The following ZC3H12B variants were observed in gnomAD, a reference collection of about 807,000 sequenced individuals.
ZC3H12B encodes probable ribonuclease ZC3H12B.
A neutral mutation model predicts 43.9 loss-of-function variants in ZC3H12B; 7 were observed. The ratio of observed to expected loss-of-function variants is 0.16; its 90% CI spans 0.09 to 0.30. The LOEUF (loss-of-function observed/expected upper bound fraction) is 0.30. Among genes scored for constraint, ZC3H12B ranks in the 10% least tolerant of loss-of-function variants. The probability of loss-of-function intolerance (pLI) is 1.00; values close to 1 mark genes in which losing one functional copy is unlikely to be tolerated. For missense variants in ZC3H12B, 475 were observed against 670.2 expected (o/e 0.71, Z 3.22); for synonymous variants, 222 against 241.7 (o/e 0.92, Z 0.76).
At chrX:65,157,779 A>C in the ZC3H12B span, among the ~76,000 whole-genome samples, 1 of 104,563 alleles carries the variant, frequency 9.6e-6, no homozygotes, top group Non-Finnish European at 1.9e-5. Context: ...TTTTTATTTT[A>C]TTATTATTAT....
chrX:65,296,378 A>C, the ZC3H12B span, among the ~76,000 whole-genome samples: 7 of 110,961 alleles, frequency 6.3e-5, no homozygotes, highest in African/African-American at 2.3e-4. Flanking sequence ...GCGAGGGATA[A>C]AAGACTACAC....
At chrX:65,102,185 G>A in the ZC3H12B span, among the ~76,000 whole-genome samples, 7 of 111,356 alleles carry the variant, frequency 6.3e-5, no homozygotes, top group South Asian at 3.8e-4. Context: ...AATTCAACAC[G>A]CCTTCAAGCT....
the ZC3H12B span, among the ~76,000 whole-genome samples, chrX:65,298,654 G>A: frequency 2.7e-5 from 3 of 111,864 alleles, no homozygotes; most frequent in Admixed American, 9.5e-5. Context: ...GCACTCCTAT[G>A]CTCATTGTTC....
At chrX:65,311,592 C>T in the ZC3H12B span, among the ~76,000 whole-genome samples, 1 of 111,799 alleles carries the variant, frequency 8.9e-6, no homozygotes, top group Non-Finnish European at 1.9e-5. Flanking sequence ...GTGGTGATTC[C>T]TCAAGGATCT....
the ZC3H12B span, among the ~76,000 whole-genome samples, chrX:65,183,380 C>A: frequency 9.0e-6 from 1 of 110,784 alleles, no homozygotes; most frequent in Non-Finnish European, 1.9e-5. Flanking sequence ...CATATGGACA[C>A]AAAGAAGATA....
chrX:65,079,849 G>A, the ZC3H12B span, among the ~76,000 whole-genome samples: 1 of 110,701 alleles, frequency 9.0e-6, no homozygotes, highest in Non-Finnish European at 1.9e-5. Flanking sequence ...CACTACCCAG[G>A]AAAACATGAC....
the ZC3H12B span, among the ~76,000 whole-genome samples, chrX:65,049,637 T>C: frequency 9.0e-6 from 1 of 111,689 alleles, no homozygotes; most frequent in Non-Finnish European, 1.9e-5. Flanking sequence ...TTTCTCAATA[T>C]TGTTTTGGCT....
chrX:65,251,628 A>C, the ZC3H12B span, among the ~76,000 whole-genome samples: 2 of 111,223 alleles, frequency 1.8e-5, no homozygotes, highest in African/African-American at 3.3e-5. Context: ...GCAGTGGTTT[A>C]TAGTTCTCCT....
the ZC3H12B span, among the ~76,000 whole-genome samples, chrX:65,098,693 A>G: frequency 1.8e-5 from 2 of 110,645 alleles, no homozygotes; most frequent in African/African-American, 6.6e-5. Flanking sequence ...GGACTGTGCT[A>G]TCTGGCCCAG....
At chrX:65,200,989 G>C in the ZC3H12B span, among the ~76,000 whole-genome samples, 1 of 111,334 alleles carries the variant, frequency 9.0e-6, no homozygotes, top group Non-Finnish European at 1.9e-5. Flanking sequence ...AAGGATGTTG[G>C]ACTTAAGTTT....
the ZC3H12B span, among the ~76,000 whole-genome samples, chrX:65,137,972 G>T: frequency 8.9e-6 from 1 of 111,755 alleles, no homozygotes; most frequent in Non-Finnish European, 1.9e-5. Flanking sequence ...GGGATTGCAG[G>T]CGTGCACCAC....
chrX:65,212,849 G>C, the ZC3H12B span, among the ~76,000 whole-genome samples: 1 of 104,903 alleles, frequency 9.5e-6, no homozygotes, highest in African/African-American at 3.4e-5. Context: ...ATCTAGCACA[G>C]TGCCTGGAAT....
the ZC3H12B span, among the ~76,000 whole-genome samples, chrX:65,290,902 A>G: frequency 9.0e-6 from 1 of 111,051 alleles, no homozygotes; most frequent in East Asian, 2.8e-4. Context: ...AAAGGGTACA[A>G]ACATAAAGTA....
At chrX:65,395,926 G>A (rs2066690861) in intron 2 of ZC3H12B, among the ~76,000 whole-genome samples, 1 of 111,434 alleles carries the variant, frequency 9.0e-6, no homozygotes, top group Non-Finnish European at 1.9e-5. Flanking sequence ...GAGGGTATAT[G>A]TGTCCAGGAA....
the ZC3H12B span, among the ~76,000 whole-genome samples, chrX:65,226,897 C>G: frequency 4.5e-5 from 5 of 111,063 alleles, no homozygotes; most frequent in African/African-American, 1.6e-4. Flanking sequence ...CCTCAGTGAC[C>G]TACAAAGAGA....
At chrX:65,119,382 G>T in the ZC3H12B span, among the ~76,000 whole-genome samples, 1 of 111,804 alleles carries the variant, frequency 8.9e-6, no homozygotes, top group Non-Finnish European at 1.9e-5. Context: ...GTTTTGATTT[G>T]CATTTCTCTG....
chrX:65,305,636 C>A, the ZC3H12B span, among the ~76,000 whole-genome samples: 1 of 111,678 alleles, frequency 9.0e-6, no homozygotes, highest in Non-Finnish European at 1.9e-5. Context: ...GTTTTCTTTG[C>A]AGTTTGTATC....
chrX:65,465,670 G>C (rs2067807944), intron 3 of ZC3H12B, among the ~76,000 whole-genome samples: 1 of 110,523 alleles, frequency 9.0e-6, no homozygotes, highest in African/African-American at 3.3e-5. Flanking sequence ...ATGATTATTT[G>C]TGTTACTCTT....
chrX:65,358,569 G>A, the ZC3H12B span, among the ~76,000 whole-genome samples: 2 of 111,378 alleles, frequency 1.8e-5, no homozygotes, highest in East Asian at 2.8e-4. Flanking sequence ...TGAACAACCT[G>A]CTCCTGAATG....
Sources: gnomAD v4.1 joint callset for allele counts (sites outside exome capture counted in the v4.1 genomes callset) on GRCh38, gnomAD v4.1.1 for gene constraint, MANE v1.5 for transcripts, NCBI Gene and HGNC (gene_info 2026-07-23, HGNC 2026-07-21) for gene names.